Variants in STOX2 observed in about 807,000 individuals in gnomAD.
STOX2 encodes the protein storkhead box 2, also known as storkhead-box protein 2.
A neutral mutation model predicts 60.9 loss-of-function variants in STOX2; 28 were observed. That is an observed-to-expected ratio of 0.46 (90% confidence interval 0.34 to 0.63). STOX2 has a LOEUF of 0.63. Ranked by LOEUF, STOX2 falls within the 30% of genes least tolerant of loss-of-function variation. The pLI is 0.01. For synonymous variants in STOX2, 472 were observed against 463.9 expected, an observed-to-expected ratio of 1.02 and a Z score of -0.22; for missense variants, 1,024 against 1,187.7, an observed-to-expected ratio of 0.86 and a Z score of 2.03.
At chr4:183,859,800 A>G (rs1042965828) in intron 1 of STOX2, among the ~76,000 whole-genome samples, 5 of 151,820 alleles carry the variant, frequency 3.3e-5, no homozygotes, top group African/African-American at 1.2e-4. Flanking sequence ...AACTGAATGG[A>G]TTTTTTTTTC....
At chr4:183,950,660 A>G (rs1043572311) in intron 1 of STOX2, among the ~76,000 whole-genome samples, 1 of 127,372 alleles carries the variant, frequency 7.9e-6, no homozygotes, top group African/African-American at 3.1e-5. Context: ...ATGGTTGGGC[A>G]TGCAATAGCG....
At chr4:183,802,806 AG>A (rs1738797723) in intron 1 of STOX2, among the ~76,000 whole-genome samples, 1 of 152,134 alleles carries the variant, frequency 6.6e-6, no homozygotes, top group South Asian at 2.1e-4. Flanking sequence ...TATTTTTAGT[AG>A]AGACGGGGTC....
intron 1 of STOX2, among the ~76,000 whole-genome samples, chr4:183,812,414 C>T (rs1384907568): frequency 2.6e-5 from 4 of 152,130 alleles, no homozygotes. Flanking sequence ...TTAAAAATGT[C>T]TATGCAATTT....
intron 1 of STOX2, among the ~76,000 whole-genome samples, chr4:183,953,175 C>G (rs1743142470): frequency 6.6e-6 from 1 of 151,442 alleles, no homozygotes; most frequent in Non-Finnish European, 1.5e-5. Context: ...TACCCCAGAA[C>G]TTAAAGTATA....
intron 1 of STOX2, among the ~76,000 whole-genome samples, chr4:183,850,077 C>T (rs1015206616): frequency 6.6e-6 from 1 of 152,110 alleles, no homozygotes; most frequent in Admixed American, 6.5e-5. Context: ...AATTCTCCTG[C>T]CTCAGCCTCA....
rs1430170375 is a variant in STOX2 at position 183,821,632 on chromosome 4, G to A, written c.364+23577G>A. On this transcript the variant is annotated intron_variant, in intron 1 of 2. Coordinates refer to the STOX2 transcript ENST00000513034. The surrounding 1 kb of genome is among the most constrained non-coding windows in gnomAD (Gnocchi z 4.2). ...GGAGGCTGGCAGGCAGGTAGGCTGG[G>A]AAGGTGAGGGTTGGCAGTGTGTCCT... 6.6e-6 allele frequency among the ~76,000 whole-genome samples: 1 copy of A among 152,220 alleles called. No homozygotes were observed. Among genetic ancestry groups the A allele is most frequent in the Admixed American group, 6.5e-5 (1 of 15,282 alleles).
At chr4:183,798,093 CA>C (rs1429591183) in intron 1 of STOX2, 2 of 1,224,136 alleles carry the variant, frequency 1.6e-6, no homozygotes, top group South Asian at 4.1e-5. Context: ...CGTCCCTTCC[CA>C]CCGGATCGCG....
At chr4:183,850,061 T>C (rs2111139637) in intron 1 of STOX2, among the ~76,000 whole-genome samples, 1 of 152,254 alleles carries the variant, frequency 6.6e-6, no homozygotes, top group South Asian at 2.1e-4. Flanking sequence ...CCTCCCGGGT[T>C]CAAGCAATTC....
rs542802731 is a variant in STOX2 at position 183,818,351 on chromosome 4, G to A, written c.364+20296G>A. Among the ~76,000 whole-genome samples, 560 of 152,134 alleles carry A rather than the reference G, an allele frequency of 3.7e-3. 3 individuals carry two copies. Among genetic ancestry groups the A allele is most frequent in the African/African-American group, 0.013 (525 of 41,492 alleles). On this transcript the variant is annotated intron_variant, in intron 1 of 2. Transcript: ENST00000513034. ...TGTTTAACAAAGCACATCTTGCACC[G>A]CCCTTAATCCATTCAACCCTGAGTG...
chr4:183,984,443 A>G (rs755704705), intron 1 of STOX2, among the ~76,000 whole-genome samples: 1 of 152,224 alleles, frequency 6.6e-6, no homozygotes, highest in Non-Finnish European at 1.5e-5. Context: ...TCTTGAGGGC[A>G]GACACCATGT....
chr4:183,896,245 C>T (rs908949661), intron 1 of STOX2, among the ~76,000 whole-genome samples: 11 of 152,140 alleles, frequency 7.2e-5, no homozygotes, highest in African/African-American at 1.4e-4. Flanking sequence ...CCAGGACCAG[C>T]GCTGGGTGAA....
At chr4:184,002,293 T>C (rs1291026506) in intron 2 of STOX2, among the ~76,000 whole-genome samples, 1 of 152,230 alleles carries the variant, frequency 6.6e-6, no homozygotes, top group Non-Finnish European at 1.5e-5. Flanking sequence ...GTTTGCCAAC[T>C]TGGTGTGGAC....
chr4:183,981,684 T>C (rs1467741248), intron 1 of STOX2, among the ~76,000 whole-genome samples: 1 of 152,206 alleles, frequency 6.6e-6, no homozygotes, highest in African/African-American at 2.4e-5. Context: ...TAGATATTGA[T>C]TAGAACAACT....
At chr4:183,824,456 C>T (rs1039333684) in intron 1 of STOX2, among the ~76,000 whole-genome samples, 9 of 152,050 alleles carry the variant, frequency 5.9e-5, no homozygotes, top group East Asian at 5.8e-4. Flanking sequence ...GGAAATGGAA[C>T]GGCCAGCCAT....
chr4:183,933,567 T>G (rs1742498976), intron 1 of STOX2, among the ~76,000 whole-genome samples: 1 of 152,132 alleles, frequency 6.6e-6, no homozygotes, highest in South Asian at 2.1e-4. Context: ...TTTTGTATTT[T>G]TAGTAGAGAC....
At chr4:183,967,604 G>A (rs992531430) in intron 1 of STOX2, among the ~76,000 whole-genome samples, 2 of 152,138 alleles carry the variant, frequency 1.3e-5, no homozygotes, top group African/African-American at 4.8e-5. Context: ...GACCGGAGAT[G>A]TACCTAACTT....
intron 1 of STOX2, among the ~76,000 whole-genome samples, chr4:183,824,391 A>G (rs929037121): frequency 9.2e-5 from 14 of 152,090 alleles, no homozygotes; most frequent in South Asian, 4.1e-4. Flanking sequence ...GCCTTGGGTA[A>G]TTTCGTTAGG....
chr4:183,967,322 T>C (rs1036072569), intron 1 of STOX2, among the ~76,000 whole-genome samples: 8 of 148,620 alleles, frequency 5.4e-5, no homozygotes, highest in African/African-American at 2.0e-4. Flanking sequence ...GCCGAGATTG[T>C]GCCATTGCAC....
intron 1 of STOX2, among the ~76,000 whole-genome samples, chr4:183,889,409 C>T (rs1741156762): frequency 6.6e-6 from 1 of 152,170 alleles, no homozygotes; most frequent in South Asian, 2.1e-4. Flanking sequence ...GGGGCAGGCT[C>T]TTCCTGCAGC....
Sources: gnomAD v4.1 joint callset for allele counts (sites outside exome capture counted in the v4.1 genomes callset) on GRCh38, gnomAD v4.1.1 for gene constraint, Gnocchi (gnomAD v3.1) non-coding constraint, MANE v1.5 for transcripts, NCBI Gene and HGNC (gene_info 2026-07-23, HGNC 2026-07-21) for gene names.